The following LONP2 variants were observed in gnomAD, a reference collection of about 807,000 sequenced individuals.
LONP2 encodes the protein lon peptidase 2, peroxisomal, also known as lon protease homolog 2, peroxisomal.
LONP2 carries 60 observed loss-of-function variants against 85.6 expected under a neutral mutation model. That is an observed-to-expected ratio of 0.70 (90% CI 0.57 to 0.87). The LOEUF is 0.87. Among genes scored for constraint, LONP2 ranks in the 40% least tolerant of loss-of-function variants. The pLI, the probability that LONP2 is intolerant of heterozygous loss-of-function variation, is 0.00. For missense variants in LONP2, 860 were observed against 1,063.5 expected (o/e 0.81, Z 2.66); for synonymous variants, 395 against 389.7 (o/e 1.01, Z -0.16).
chr16:48,259,799 A>C (rs147722316), intron 4 of LONP2, among the ~76,000 whole-genome samples: 7 of 152,312 alleles, frequency 4.6e-5, no homozygotes, highest in African/African-American at 1.7e-4. Context: ...TTCTGGCTTG[A>C]GATCAGGTCA....
Position 48,356,980 on chromosome 16 carries a change from C to T in LONP2, c.*5178C>T, listed in dbSNP as rs10221107. On this transcript the variant is annotated 3_prime_UTR_variant, in exon 15 of 15. Coordinates refer to ENST00000285737, the MANE Select transcript of LONP2 (RefSeq NM_031490.5). The stretch of plus-strand genomic sequence containing the variant: ...TAAACCTGTTATTATTTTCAGAATT[C>T]AGAAAGGCCTAAGAAAATTACATCT... The T allele has an allele frequency of 0.2, 31,269 of 152,988 alleles. 3,928 individuals carry two copies. Among genetic ancestry groups the T allele is most frequent in the African/African-American group, 0.35 (14,491 of 41,486 alleles). The allele number at this position is 152,988 out of a possible 1,614,324, so 9.5% of individuals were successfully genotyped here.
At chr16:48,295,514 A>C (rs1482017493) in intron 8 of LONP2, among the ~76,000 whole-genome samples, 1 of 152,184 alleles carries the variant, frequency 6.6e-6, no homozygotes, top group Non-Finnish European at 1.5e-5. Flanking sequence ...AGCAAAGGTT[A>C]CTCTTATTTG....
intron 6 of LONP2, among the ~76,000 whole-genome samples, chr16:48,265,873 T>C (rs1971978997): frequency 1.3e-5 from 2 of 152,244 alleles, no homozygotes; most frequent in Admixed American, 6.5e-5. Flanking sequence ...CATTTATTTG[T>C]GTCTGACTTA....
rs1971875043 is a variant in LONP2 at position 48,261,512 on chromosome 16, T to A, written c.812T>A (p.Val271Asp). 4 of 1,607,370 alleles carry A rather than the reference T, an allele frequency of 2.5e-6. No homozygotes were observed. The highest frequency in any genetic ancestry group is 2.5e-6 in the Non-Finnish European group (3 of 1,176,692). Residue 271 changes from valine to aspartate, a missense_variant, in exon 5 of 15, where the codon GTC becomes GAC. By Grantham distance (152) the Val-to-Asp change is radical. Around this residue, in one of 3 missense-constraint regions of LONP2, gnomAD observed 743 missense variants for 917.3 expected, o/e 0.81. Transcript: ENST00000285737. ...GAAGATGAAGATAATGATGACATTG[T>A]CATGCTAGAGAAAAAAATACGAACA... ...EDEDEDNDDI[V>D]MLEKKIRTSS...
At chr16:48,329,812 A>G (rs1413780913) in intron 11 of LONP2, among the ~76,000 whole-genome samples, 3 of 152,170 alleles carry the variant, frequency 2.0e-5, no homozygotes, top group African/African-American at 7.2e-5. Flanking sequence ...TGACTGTAGT[A>G]TTTTACCAGT....
At chr16:48,290,818 A>G (rs1047204859) in intron 8 of LONP2, among the ~76,000 whole-genome samples, 61 of 151,992 alleles carry the variant, frequency 4.0e-4, no homozygotes, top group African/African-American at 1.4e-3. Context: ...TTGGTGATCA[A>G]CTCAACTCTT....
intron 12 of LONP2, chr16:48,336,300 T>G (rs1370845535): frequency 2.2e-6 from 1 of 454,608 alleles, no homozygotes. Context: ...GGGAGAACCT[T>G]ATTTTCCTTG....
intron 13 of LONP2, 150 bp from the exon 14 acceptor site, chr16:48,347,950 T>A: frequency 1.3e-6 from 1 of 782,264 alleles, no homozygotes; most frequent in Non-Finnish European, 2.0e-6. Context: ...GAACTGTTCT[T>A]CCACACCCTC....
chr16:48,316,543 T>C (rs1362703113), intron 11 of LONP2, among the ~76,000 whole-genome samples: 1 of 151,562 alleles, frequency 6.6e-6, no homozygotes, highest in Non-Finnish European at 1.5e-5. Flanking sequence ...GCCAGGCTGG[T>C]CTTGAACTCC....
chr16:48,326,497 A>G (rs930798927), intron 11 of LONP2, among the ~76,000 whole-genome samples: 11 of 152,138 alleles, frequency 7.2e-5, no homozygotes, highest in African/African-American at 2.4e-4. Flanking sequence ...CAGGGTATAG[A>G]GAATAAGGAG....
At chr16:48,332,545 C>G (rs1446175961) in intron 11 of LONP2, among the ~76,000 whole-genome samples, 1 of 152,092 alleles carries the variant, frequency 6.6e-6, no homozygotes, top group East Asian at 1.9e-4. Context: ...AACCCCATCT[C>G]TACTAAAAAT....
intron 8 of LONP2, among the ~76,000 whole-genome samples, chr16:48,287,389 G>A (rs1972467919): frequency 6.6e-6 from 1 of 152,204 alleles, no homozygotes; most frequent in Non-Finnish European, 1.5e-5. Context: ...AAGTTTTTTG[G>A]TCAGCCTCTT....
Position 48,351,791 on chromosome 16 carries a change from A to T in LONP2, c.2548A>T (p.Ser850Cys). ...TVKTRPGLLNSKL is the reference protein window; with the variant it reads ...TVKTRPGLLNCKL ...CAAGACCAGACCTGGTCTGTTAAAT[A>T]GCAAACTGTAGGTCCAAATCTCAAT... Residue 850 changes from serine to cysteine, a missense_variant, in exon 15 of 15, where the codon AGC becomes TGC. Physicochemically the swap from Ser to Cys is moderately radical, Grantham distance 112. Transcript: ENST00000285737. 1 of 1,613,832 alleles carries T rather than the reference A, an allele frequency of 6.2e-7. No individual in the cohort carries two copies. Among genetic ancestry groups the T allele is most frequent in the Non-Finnish European group, 8.5e-7 (1 of 1,179,756 alleles).
intron 8 of LONP2, among the ~76,000 whole-genome samples, chr16:48,282,776 C>G (rs1441044145): frequency 1.3e-5 from 2 of 152,106 alleles, no homozygotes; most frequent in Non-Finnish European, 2.9e-5. Flanking sequence ...AAGTAATAAC[C>G]CTGCAGTGGC....
At chr16:48,252,983 T>A (rs1971685390) in intron 2 of LONP2, among the ~76,000 whole-genome samples, 1 of 152,352 alleles carries the variant, frequency 6.6e-6, no homozygotes, top group Non-Finnish European at 1.5e-5. Flanking sequence ...TATAGTCTTC[T>A]ACTTTTCTAT....
chr16:48,348,732 A>C (rs188806910), intron 14 of LONP2, among the ~76,000 whole-genome samples: 1 of 152,228 alleles, frequency 6.6e-6, no homozygotes, highest in East Asian at 1.9e-4. Flanking sequence ...GGTCTCATGC[A>C]GTCCTCTCAT....
At chr16:48,302,639 T>C (rs900747080) in intron 10 of LONP2, among the ~76,000 whole-genome samples, 2 of 152,272 alleles carry the variant, frequency 1.3e-5, no homozygotes, top group Admixed American at 6.5e-5. Flanking sequence ...GCATACCTTC[T>C]TCCTTTAGAA....
chr16:48,312,808 G>A (rs1973062136), intron 11 of LONP2, among the ~76,000 whole-genome samples: 1 of 152,236 alleles, frequency 6.6e-6, no homozygotes, highest in Non-Finnish European at 1.5e-5. Flanking sequence ...AGCTGCAATA[G>A]TGGCAGTAGG....
chr16:48,327,930 C>T (rs934818959), intron 11 of LONP2, among the ~76,000 whole-genome samples: 2 of 151,908 alleles, frequency 1.3e-5, no homozygotes, highest in Non-Finnish European at 2.9e-5. Context: ...GATTCCCAAC[C>T]GTTGTGTGAT....
Sources: allele counts gnomAD v4.1 joint callset (sites outside exome capture counted in the v4.1 genomes callset), GRCh38; gene constraint gnomAD v4.1.1; regional missense constraint gnomAD v4.1.1; transcripts MANE v1.5; gene names NCBI Gene and HGNC (gene_info 2026-07-23, HGNC 2026-07-21).